Variants in TTC7B observed in about 807,000 individuals in gnomAD.
TTC7B encodes tetratricopeptide repeat domain 7B, also known as tetratricopeptide repeat protein 7B.
TTC7B carries 28 observed loss-of-function variants against 106.8 expected under a neutral mutation model. The observed-to-expected ratio is 0.26, with a 90% CI of 0.19 to 0.36. TTC7B has a LOEUF of 0.36. Ranked by LOEUF, TTC7B falls within the 10% of genes least tolerant of loss-of-function variation. The pLI is 1.00. For synonymous variants in TTC7B, 405 were observed against 430.6 expected (o/e 0.94, Z 0.74); for missense variants, 862 against 1,076.4 (o/e 0.80, Z 2.79).
At position 90,780,721 on chromosome 14, in the gene TTC7B, G is replaced by A. The variant is rs948040560; in HGVS notation, c.445+17C>T. The stretch of plus-strand genomic sequence containing the variant: ...CTCCAGGTCACGGGACACTGTGTTA[G>A]AAGGCACGGGCCTCACCTTTGGTAG... On this transcript the variant is annotated intron_variant, in intron 3 of 19. Coordinates refer to ENST00000328459, the MANE Select transcript of TTC7B (RefSeq NM_001010854.2). 2 of 1,612,026 alleles carry A rather than the reference G, an allele frequency of 1.2e-6. No homozygotes were observed. Among genetic ancestry groups the A allele is most frequent in the East Asian group, 2.2e-5 (1 of 44,852 alleles).
intron 4 of TTC7B, among the ~76,000 whole-genome samples, chr14:90,732,166 CATT>C (rs977958966): frequency 5.3e-5 from 8 of 152,176 alleles, no homozygotes; most frequent in African/African-American, 1.9e-4. Context: ...AAATTTAAAT[CATT>C]ATATTTAATT....
chr14:90,732,099 G>A (rs1889351739), intron 4 of TTC7B, among the ~76,000 whole-genome samples: 1 of 152,028 alleles, frequency 6.6e-6, no homozygotes, highest in Non-Finnish European at 1.5e-5. Flanking sequence ...GTATCAAGCA[G>A]AGAAAGATAA....
chr14:90,804,515 G>A (rs1227138866), intron 1 of TTC7B, among the ~76,000 whole-genome samples: 1 of 152,212 alleles, frequency 6.6e-6, no homozygotes, highest in Non-Finnish European at 1.5e-5. Flanking sequence ...AGTGTGGCAG[G>A]AGTTTCCCAG....
rs576404541 is a variant in TTC7B at position 90,782,145 on chromosome 14, G to A, written c.277-1239C>T. On this transcript the variant is annotated intron_variant, in intron 2 of 19. Coordinates refer to ENST00000328459, the MANE Select transcript of TTC7B (RefSeq NM_001010854.2). ...GTGGTCGGCTTCCAGGCATTTCTTG[G>A]AAGAGGGAGGGACATCAGGCAGCAT... Among the ~76,000 whole-genome samples the A allele has an allele frequency of 7.1e-4, 108 of 152,278 alleles. 1 individual carries two copies. Among genetic ancestry groups the A allele is most frequent in the Middle Eastern group, 3.4e-3 (1 of 294 alleles).
At chr14:90,666,358 A>G (rs538111825) in intron 9 of TTC7B, among the ~76,000 whole-genome samples, 1 of 152,216 alleles carries the variant, frequency 6.6e-6, no homozygotes, top group African/African-American at 2.4e-5. Context: ...ACAGGGTTTC[A>G]CTATGTTGAC....
rs567988059 is a variant in TTC7B, at chr14:90,599,424, G to T, written c.1967-5798C>A. Among the ~76,000 whole-genome samples, 14 of 152,252 alleles carry T rather than the reference G, an allele frequency of 9.2e-5. No homozygotes were observed. In the East Asian group the frequency reaches 2.5e-3, roughly 27 times the overall value. On this transcript the variant is annotated intron_variant, in intron 17 of 19. Coordinates refer to ENST00000328459, the MANE Select transcript of TTC7B (RefSeq NM_001010854.2). ...CCGGTGACTTGGCGAGCATTCCAGT[G>T]CCAGGAACGACGGACAGCCACATTA...
At chr14:90,791,200 C>T (rs967068769) in intron 1 of TTC7B, among the ~76,000 whole-genome samples, 2 of 152,106 alleles carry the variant, frequency 1.3e-5, no homozygotes, top group East Asian at 3.8e-4. Flanking sequence ...ATATTCCAAG[C>T]GCTGCAGACC....
In TTC7B at chr14:90,794,207, A is replaced by AC. The variant is rs1566891563; in HGVS notation, c.122-7880_122-7879insG. 5.4e-5 allele frequency among the ~76,000 whole-genome samples: 7 copies of AC among 130,618 alleles called. 1 individual carries two copies. 85.7% of individuals were successfully genotyped at this position (130,618 alleles called of 152,430 possible). A position where few individuals can be genotyped will look rare whatever the true frequency, so the allele number is the denominator to read the frequency against. On this transcript the variant is annotated intron_variant, in intron 1 of 19. Transcript: ENST00000328459. The stretch of plus-strand genomic sequence containing the variant: ...TGTGAGCCACTGCACCTGGCTGGGT[A>AC]TTTCTTTTTTTTTTTTTTTTTTTTT...
intron 5 of TTC7B, among the ~76,000 whole-genome samples, chr14:90,717,949 G>T (rs1392438440): frequency 2.0e-5 from 3 of 152,182 alleles, no homozygotes; most frequent in Admixed American, 2.0e-4. Context: ...GCTCCCCACA[G>T]TCTGACAGGC....
At chr14:90,542,300 C>T (rs1380166542) in intron 19 of TTC7B, among the ~76,000 whole-genome samples, 1 of 151,954 alleles carries the variant, frequency 6.6e-6, no homozygotes, top group African/African-American at 2.4e-5. Flanking sequence ...AGAATGATGA[C>T]GACAGTTTTT....
intron 4 of TTC7B, among the ~76,000 whole-genome samples, chr14:90,732,456 C>A (rs1326686456): frequency 6.6e-6 from 1 of 152,214 alleles, no homozygotes; most frequent in African/African-American, 2.4e-5. Flanking sequence ...TGGCTCCCTG[C>A]AGCCTCAACC....
chr14:90,695,053 A>T (rs865899508), intron 6 of TTC7B, among the ~76,000 whole-genome samples: 11,547 of 40,528 alleles, frequency 0.28, 593 homozygotes, highest in Non-Finnish European at 0.34. Flanking sequence ...TATAAAATAT[A>T]TTTTATTTTA....
rs1448814911 is a variant in TTC7B, at chr14:90,807,930, G to A, written c.121+8245C>T. ...GGCTTTGCAATCTGGATTCTAACAA[G>A]CTGTCTAGAAGTGATTCTTTGATCC... On this transcript the variant is annotated intron_variant, in intron 1 of 19. Transcript: ENST00000328459. The surrounding 1 kb of genome is among the most constrained non-coding windows in gnomAD (Gnocchi z 4.1). Among the ~76,000 whole-genome samples the A allele has an allele frequency of 2.6e-5, 4 of 152,198 alleles. No individual in the cohort carries two copies. Among genetic ancestry groups the A allele is most frequent in the Non-Finnish European group, 5.9e-5 (4 of 68,034 alleles).
intron 3 of TTC7B, among the ~76,000 whole-genome samples, chr14:90,776,903 T>C (rs999353066): frequency 4.6e-5 from 7 of 152,028 alleles, no homozygotes; most frequent in African/African-American, 1.7e-4. Flanking sequence ...TTCTGTAAAA[T>C]GGAAAGAATA....
intron 1 of TTC7B, among the ~76,000 whole-genome samples, chr14:90,801,828 A>AG (rs112475232): frequency 0.054 from 8,154 of 152,006 alleles, 400 homozygotes; most frequent in African/African-American, 0.13. Flanking sequence ...GGCCAAGGGG[A>AG]AGGGGGTGGA....
intron 16 of TTC7B, among the ~76,000 whole-genome samples, chr14:90,614,852 A>G (rs757577942): frequency 6.6e-6 from 1 of 152,230 alleles, no homozygotes; most frequent in Non-Finnish European, 1.5e-5. Context: ...GATTCAGTTC[A>G]GGGAGCCTGC....
At chr14:90,698,014 A>G (rs947654909) in intron 5 of TTC7B, 9 of 152,246 alleles carry the variant, frequency 5.9e-5, no homozygotes, top group African/African-American at 2.2e-4. Context: ...GCTACAACCC[A>G]TTGCAATGAA....
rs118060181 is a variant in TTC7B at position 90,559,987 on chromosome 14, C to T, written c.2310+18119G>A. Among the ~76,000 whole-genome samples the T allele has an allele frequency of 1.1e-4, 16 of 152,344 alleles. No individual in the cohort carries two copies. The East Asian group carries it at 2.9e-3, about 28-fold the overall frequency. On this transcript the variant is annotated intron_variant, in intron 19 of 19. Transcript: ENST00000328459. The stretch of plus-strand genomic sequence containing the variant: ...CCAGGGCTCGTTCCTTCCCCCTTGG[C>T]CCCTGTCCCTCTGGAATGGCAGAGA...
chr14:90,582,080 A>G lies in TTC7B; in HGVS notation c.2108-3772T>C, dbSNP rs183971988. Among the ~76,000 whole-genome samples, 643 of 152,304 alleles carry G rather than the reference A, an allele frequency of 4.2e-3. 1 individual carries two copies. The highest frequency in any genetic ancestry group is 7.3e-3 in the Non-Finnish European group (494 of 68,012). The stretch of plus-strand genomic sequence containing the variant: ...ATCCCTCCGTTTTCAGCTCAAAAGG[A>G]AAGACTGAAGGCATGATGTCCTGCA... On this transcript the variant is annotated intron_variant, in intron 18 of 19. Coordinates refer to ENST00000328459, the MANE Select transcript of TTC7B (RefSeq NM_001010854.2).
Sources: gnomAD v4.1 joint callset for allele counts (sites outside exome capture counted in the v4.1 genomes callset) on GRCh38, gnomAD v4.1.1 for gene constraint, Gnocchi (gnomAD v3.1) non-coding constraint, MANE v1.5 for transcripts, NCBI Gene and HGNC (gene_info 2026-07-23, HGNC 2026-07-21) for gene names.